Variants in CERS6 observed in about 807,000 individuals in gnomAD.
The protein encoded by CERS6 is ceramide synthase 6.
CERS6 carries 26 observed loss-of-function variants against 56.8 expected under a neutral mutation model. The ratio of observed to expected loss-of-function variants is 0.46; its 90% CI spans 0.34 to 0.63. CERS6 has a LOEUF of 0.63. CERS6 is among the 30% of genes least tolerant of loss of function. CERS6 has a pLI of 0.01. For synonymous variants in CERS6, 164 were observed against 173.3 expected (o/e 0.95, Z 0.42); for missense variants, 415 against 467.5 (o/e 0.89, Z 1.04).
intron 4 of CERS6, among the ~76,000 whole-genome samples, chr2:168,669,353 C>A (rs1009431838): frequency 6.6e-6 from 1 of 152,216 alleles, no homozygotes; most frequent in Non-Finnish European, 1.5e-5. Context: ...TATGGACATT[C>A]CACACACCAT....
chr2:168,660,627 A>G (rs1331922491), intron 4 of CERS6, among the ~76,000 whole-genome samples: 19 of 152,168 alleles, frequency 1.2e-4, no homozygotes. Context: ...AAAAAAAAAA[A>G]CTTAAATAAC....
chr2:168,599,156 T>A (rs1435792281), intron 3 of CERS6, among the ~76,000 whole-genome samples: 2 of 152,184 alleles, frequency 1.3e-5, no homozygotes, highest in Admixed American at 1.3e-4. Flanking sequence ...GTTAAGCAAA[T>A]TGACTCAGGT....
intron 1 of CERS6, among the ~76,000 whole-genome samples, chr2:168,499,824 G>T (rs1488373188): frequency 6.6e-6 from 1 of 152,134 alleles, no homozygotes. Flanking sequence ...CCGTAACCGG[G>T]AACTGCTATA....
intron 8 of CERS6, among the ~76,000 whole-genome samples, chr2:168,758,487 G>C (rs1401943818): frequency 1.3e-5 from 2 of 152,182 alleles, no homozygotes; most frequent in Non-Finnish European, 2.9e-5. Flanking sequence ...GAACTCTTTG[G>C]TTAAGGTAGG....
At chr2:168,523,451 C>A (rs1695018081) in intron 1 of CERS6, among the ~76,000 whole-genome samples, 1 of 152,022 alleles carries the variant, frequency 6.6e-6, no homozygotes, top group African/African-American at 2.4e-5. Context: ...TTCAGAATTA[C>A]CCTTCCTAAA....
chr2:168,762,054 A>C (rs1684597203), intron 8 of CERS6, among the ~76,000 whole-genome samples: 1 of 152,086 alleles, frequency 6.6e-6, no homozygotes, highest in South Asian at 2.1e-4. Context: ...TACCTAGTAC[A>C]TGTGGGGCTT....
chr2:168,465,583 A>G (rs542062702), intron 1 of CERS6, among the ~76,000 whole-genome samples: 1 of 152,338 alleles, frequency 6.6e-6, no homozygotes, highest in Admixed American at 6.5e-5. Context: ...AATTTCTGCT[A>G]CAGCATGAAT....
At chr2:168,594,955 C>T (rs918089463) in intron 3 of CERS6, among the ~76,000 whole-genome samples, 9 of 152,156 alleles carry the variant, frequency 5.9e-5, no homozygotes, top group African/African-American at 2.2e-4. Context: ...CAAAGTGAAT[C>T]TGAAGAATAC....
At chr2:168,545,533 A>G (rs935158032) in intron 1 of CERS6, among the ~76,000 whole-genome samples, 1 of 151,792 alleles carries the variant, frequency 6.6e-6, no homozygotes, top group African/African-American at 2.4e-5. Flanking sequence ...GGCTGATAAC[A>G]GAGGTGAGGA....
intron 3 of CERS6, among the ~76,000 whole-genome samples, chr2:168,610,920 G>A (rs1684174055): frequency 6.6e-6 from 1 of 152,162 alleles, no homozygotes; most frequent in Non-Finnish European, 1.5e-5. Context: ...CAATTCTCAT[G>A]CCTCAGCCTC....
chr2:168,544,559 C>T (rs1031961704), intron 1 of CERS6, among the ~76,000 whole-genome samples: 1 of 152,246 alleles, frequency 6.6e-6, no homozygotes, highest in South Asian at 2.1e-4. Flanking sequence ...CCACAGCATT[C>T]TGGGGGTCAT....
At chr2:168,725,454 C>T (rs56012705) in intron 8 of CERS6, among the ~76,000 whole-genome samples, 7,842 of 152,370 alleles carry the variant, frequency 0.051, 556 homozygotes, top group African/African-American at 0.15. Context: ...AGCACGCTGT[C>T]ACCTCTCACT....
intron 6 of CERS6, among the ~76,000 whole-genome samples, chr2:168,710,569 T>C (rs987481498): frequency 3.3e-5 from 5 of 152,212 alleles, no homozygotes; most frequent in African/African-American, 1.2e-4. Flanking sequence ...TGTTTTGAAG[T>C]AGTTATTATC....
At chr2:168,700,493 G>C (rs1686779011) in intron 6 of CERS6, among the ~76,000 whole-genome samples, 1 of 152,070 alleles carries the variant, frequency 6.6e-6, no homozygotes, top group Non-Finnish European at 1.5e-5. Context: ...ATAAAGGAAA[G>C]GGCATTTTAA....
chr2:168,579,517 G>A (rs969921162), intron 3 of CERS6, among the ~76,000 whole-genome samples: 8 of 152,108 alleles, frequency 5.3e-5, no homozygotes, highest in African/African-American at 1.9e-4. Context: ...ACTGCTCAGA[G>A]TTATCTGTGC....
intron 2 of CERS6, among the ~76,000 whole-genome samples, chr2:168,553,315 A>G (rs1267066381): frequency 6.6e-6 from 1 of 152,232 alleles, no homozygotes; most frequent in Non-Finnish European, 1.5e-5. Context: ...CTTCTGAGAT[A>G]TAATTCAAGA....
At chr2:168,769,464 A>G in intron 9 of CERS6, 46 bp from the exon 10 acceptor site, 1 of 1,500,612 alleles carries the variant, frequency 6.7e-7, no homozygotes, top group Non-Finnish European at 8.9e-7. Context: ...CCATACCTTG[A>G]TGATTTCTTA....
At chr2:168,575,471 AACTC>A (rs1348984534) in intron 3 of CERS6, among the ~76,000 whole-genome samples, 1 of 151,976 alleles carries the variant, frequency 6.6e-6, no homozygotes, top group East Asian at 1.9e-4. Flanking sequence ...CTTTCGTGAG[AACTC>A]ACTCACTATC....
At chr2:168,559,755 T>TATATATATATATATATATATATA in intron 2 of CERS6, among the ~76,000 whole-genome samples, 1 of 14,808 alleles carries the variant, frequency 6.8e-5, no homozygotes, top group African/African-American at 2.5e-4. Flanking sequence ...ATATATATAT[T>TATATATATATATATATATATATA]TCACCCTTAT....
Sources: gnomAD v4.1 joint callset for allele counts (sites outside exome capture counted in the v4.1 genomes callset) on GRCh38, gnomAD v4.1.1 for gene constraint, MANE v1.5 for transcripts, NCBI Gene and HGNC (gene_info 2026-07-23, HGNC 2026-07-21) for gene names.